The following PCSK2 variants were observed in gnomAD, a reference collection of about 807,000 sequenced individuals.
The protein encoded by PCSK2 is neuroendocrine convertase 2.
PCSK2 carries 14 observed loss-of-function variants against 69.7 expected under a neutral mutation model. The observed-to-expected ratio is 0.20, with a 90% CI of 0.13 to 0.31. The LOEUF (loss-of-function observed/expected upper bound fraction) is 0.31. PCSK2 is among the 10% of genes least tolerant of loss of function. The probability of loss-of-function intolerance (pLI) is 1.00; values close to 1 mark genes in which losing one functional copy is unlikely to be tolerated. For synonymous variants in PCSK2, 307 were observed against 320.7 expected (o/e 0.96, Z 0.46); for missense variants, 544 against 842.5 (o/e 0.65, Z 4.39).
At chr20:17,434,916 T>C (rs1367756657) in intron 7 of PCSK2, among the ~76,000 whole-genome samples, 1 of 152,198 alleles carries the variant, frequency 6.6e-6, no homozygotes, top group Non-Finnish European at 1.5e-5. Context: ...CTGCATTAAA[T>C]AAAGTTTTTA....
chr20:17,452,224 T>A (rs1465781850), intron 8 of PCSK2, among the ~76,000 whole-genome samples: 1 of 140,472 alleles, frequency 7.1e-6, no homozygotes, highest in East Asian at 2.1e-4. Flanking sequence ...CTGAGTCTGT[T>A]TGAGAGTGTG....
chr20:17,483,060 A>G lies in PCSK2; in HGVS notation c.*990A>G, dbSNP rs1358323057. 2 of 151,368 alleles carry G rather than the reference A, an allele frequency of 1.3e-5. No homozygotes were observed. The highest frequency in any genetic ancestry group is 2.9e-5 in the Non-Finnish European group (2 of 67,906). The allele number at this position is 151,368 out of a possible 1,614,324, so 9.4% of individuals were successfully genotyped here. ...TTTTTTTACAGCTTTACACACACAG[A>G]TGTGGGCTTTGATTTCCAAGTAATA... On this transcript the variant is annotated 3_prime_UTR_variant, in exon 12 of 12. Transcript: ENST00000262545.
chr20:17,347,791 A>C (rs1159073304), intron 2 of PCSK2, among the ~76,000 whole-genome samples: 1 of 23,536 alleles, frequency 4.2e-5, no homozygotes, highest in Non-Finnish European at 9.0e-5. Context: ...CATAGACGAA[A>C]GAAAGAAAGA....
chr20:17,369,186 A>G lies in PCSK2; in HGVS notation c.506-54A>G. On this transcript the variant is annotated intron_variant, in intron 4 of 11. Transcript: ENST00000262545. ...ACTTTCTTGGGCAGCTTTCCTGAGG[A>G]CACAGTGGCAGGTATTAACCTTTGG... 4 of 1,527,132 alleles carry G rather than the reference A, an allele frequency of 2.6e-6. No individual in the cohort carries two copies. In the Admixed American group the frequency reaches 6.8e-5, roughly 26 times the overall value. 94.6% of individuals were successfully genotyped at this position (1,527,132 alleles called of 1,614,324 possible).
intron 2 of PCSK2, among the ~76,000 whole-genome samples, chr20:17,334,685 G>A (rs1035241405): frequency 1.3e-5 from 2 of 152,154 alleles, no homozygotes; most frequent in African/African-American, 4.8e-5. Flanking sequence ...GGAAGAAAAT[G>A]TTCCTGCTCT....
chr20:17,432,866 G>A (rs779648383), intron 7 of PCSK2, among the ~76,000 whole-genome samples: 1 of 152,154 alleles, frequency 6.6e-6, no homozygotes, highest in Non-Finnish European at 1.5e-5. Context: ...CAGGTCCCCT[G>A]CCCCATATAG....
Position 17,465,573 on chromosome 20 carries a change from C to T in PCSK2, c.1430+20C>T. 6.8e-7 allele frequency: 1 copy of T among 1,474,382 alleles called. No individual in the cohort carries two copies. 91.3% of individuals were successfully genotyped at this position (1,474,382 alleles called of 1,614,324 possible). ...CCCTGAGTAAGTGGGGGTAGTGGTC[C>T]CTCTGCTGCATGTGGAAAGTGCCCC... is the stretch of plus-strand genomic sequence containing the variant. On this transcript the variant is annotated intron_variant, in intron 11 of 11. Coordinates refer to ENST00000262545, the MANE Select transcript of PCSK2 (RefSeq NM_002594.5).
intron 2 of PCSK2, among the ~76,000 whole-genome samples, chr20:17,318,550 C>A (rs1280977427): frequency 6.6e-6 from 1 of 152,150 alleles, no homozygotes; most frequent in Non-Finnish European, 1.5e-5. Flanking sequence ...GTGATTGCAG[C>A]GTGGGAGTTG....
chr20:17,231,100 A>C (rs969654864), intron 1 of PCSK2, among the ~76,000 whole-genome samples: 1 of 152,242 alleles, frequency 6.6e-6, no homozygotes, highest in African/African-American at 2.4e-5. Context: ...TTAACCAAAA[A>C]TCAAGTGAGA....
At chr20:17,243,325 C>T (rs1331406066) in intron 1 of PCSK2, among the ~76,000 whole-genome samples, 8 of 152,070 alleles carry the variant, frequency 5.3e-5, no homozygotes, top group African/African-American at 1.9e-4. Context: ...CTCAGCCTCC[C>T]AAGTAGCTAA....
chr20:17,401,464 A>G (rs1051362909), intron 5 of PCSK2, among the ~76,000 whole-genome samples: 8 of 152,070 alleles, frequency 5.3e-5, no homozygotes, highest in Admixed American at 2.0e-4. Context: ...CACCCTCATG[A>G]CCTAATTACC....
At chr20:17,252,247 C>A (rs1032757136) in intron 1 of PCSK2, among the ~76,000 whole-genome samples, 1 of 152,146 alleles carries the variant, frequency 6.6e-6, no homozygotes, top group Non-Finnish European at 1.5e-5. Flanking sequence ...AACAGCCACA[C>A]TCTTCAAAAT....
chr20:17,448,267 G>A (rs1166230671), intron 8 of PCSK2, among the ~76,000 whole-genome samples: 3 of 152,150 alleles, frequency 2.0e-5, no homozygotes, highest in Non-Finnish European at 4.4e-5. Context: ...CTACCCATTG[G>A]TTAGGGTGGA....
At chr20:17,310,766 T>G (rs1396399509) in intron 2 of PCSK2, among the ~76,000 whole-genome samples, 1 of 151,020 alleles carries the variant, frequency 6.6e-6, no homozygotes, top group East Asian at 1.9e-4. Flanking sequence ...CCGAGGCAGG[T>G]GGATCACGAG....
At chr20:17,390,921 A>G (rs80174655) in intron 5 of PCSK2, among the ~76,000 whole-genome samples, 3,039 of 152,214 alleles carry the variant, frequency 0.02, 99 homozygotes, top group African/African-American at 0.07. Flanking sequence ...ACACCGTATC[A>G]TGCAACCTGC....
At chr20:17,271,173 T>C (rs192999875) in intron 2 of PCSK2, among the ~76,000 whole-genome samples, 1 of 152,180 alleles carries the variant, frequency 6.6e-6, no homozygotes, top group East Asian at 1.9e-4. Flanking sequence ...TATGTTGGTA[T>C]CCTCAACTTA....
intron 2 of PCSK2, among the ~76,000 whole-genome samples, chr20:17,279,333 G>C (rs1446509670): frequency 6.6e-6 from 1 of 152,176 alleles, no homozygotes; most frequent in Non-Finnish European, 1.5e-5. Flanking sequence ...CCATTGGGAG[G>C]TCAAGATCAT....
intron 2 of PCSK2, 57 bp downstream of exon 2, chr20:17,260,401 A>C: frequency 8.2e-7 from 1 of 1,222,970 alleles, no homozygotes; most frequent in Non-Finnish European, 1.2e-6. Context: ...TGAGCCCACC[A>C]AGGGGGTGTG....
At chr20:17,277,956 A>G (rs1202976880) in intron 2 of PCSK2, among the ~76,000 whole-genome samples, 4 of 150,920 alleles carry the variant, frequency 2.7e-5, no homozygotes, top group East Asian at 1.9e-4. Flanking sequence ...GCAGCCAAAA[A>G]ACACATGAAA....
Sources: allele counts gnomAD v4.1 joint callset (sites outside exome capture counted in the v4.1 genomes callset), GRCh38; gene constraint gnomAD v4.1.1; transcripts MANE v1.5; gene names NCBI Gene and HGNC (gene_info 2026-07-23, HGNC 2026-07-21).